PCSK6: variants seen among roughly 807,000 people sequenced by gnomAD.
The protein encoded by PCSK6 is paired basic amino acid cleaving enzyme 4.
In PCSK6, 85 loss-of-function variants were observed where a neutral mutation model predicts 123.3. That is an observed-to-expected ratio of 0.69 (90% CI 0.58 to 0.83). PCSK6 has a LOEUF of 0.83. Among genes scored for constraint, PCSK6 ranks in the 40% least tolerant of loss-of-function variants. PCSK6 has a pLI of 0.00. For missense variants in PCSK6, 1,191 were observed against 1,282.3 expected, an observed-to-expected ratio of 0.93 and a Z score of 1.09; for synonymous variants, 508 against 516.0, an observed-to-expected ratio of 0.98 and a Z score of 0.21.
At chr15:101,314,634 G>A (rs1169640311) in intron 19 of PCSK6, among the ~76,000 whole-genome samples, 1 of 152,216 alleles carries the variant, frequency 6.6e-6, no homozygotes, top group African/African-American at 2.4e-5. Context: ...TCACACCTCA[G>A]AACCACAGCC....
intron 20 of PCSK6, among the ~76,000 whole-genome samples, chr15:101,309,531 T>G (rs2039804203): frequency 6.6e-6 from 1 of 152,260 alleles, no homozygotes; most frequent in Non-Finnish European, 1.5e-5. Flanking sequence ...TGCAGCCCTC[T>G]GTCCCTGCTC....
chr15:101,310,855 C>A (rs1289715701), intron 20 of PCSK6, among the ~76,000 whole-genome samples: 1 of 152,180 alleles, frequency 6.6e-6, no homozygotes, highest in African/African-American at 2.4e-5. Context: ...CCATGGGCAC[C>A]CCTCCCCTGC....
At chr15:101,373,788 G>A (rs2955960) in intron 11 of PCSK6, among the ~76,000 whole-genome samples, 66,945 of 152,046 alleles carry the variant, frequency 0.44, 15,486 homozygotes, top group East Asian at 0.64. Context: ...CTAAGGTAAC[G>A]CTGAAAATGC....
chr15:101,392,631 A>G (rs1405408242), intron 8 of PCSK6, among the ~76,000 whole-genome samples: 1 of 134,142 alleles, frequency 7.5e-6, no homozygotes, highest in Non-Finnish European at 1.5e-5. Flanking sequence ...GTATGTAGGG[A>G]AGGAAAAAGC....
chr15:101,339,884 T>G (rs897906577), intron 13 of PCSK6, among the ~76,000 whole-genome samples: 3 of 151,068 alleles, frequency 2.0e-5, no homozygotes, highest in African/African-American at 7.3e-5. Context: ...CATTCCAGCC[T>G]GGGTGACAGA....
At chr15:101,325,095 GC>G in intron 16 of PCSK6, 49 bp from the exon 17 acceptor site, 1 of 1,399,354 alleles carries the variant, frequency 7.1e-7, no homozygotes, top group Non-Finnish European at 9.8e-7. Flanking sequence ...CCCAGCCCCA[GC>G]CCCAGGCCTG....
At chr15:101,347,395 G>T (rs1321899196) in intron 13 of PCSK6, 3 of 1,236,720 alleles carry the variant, frequency 2.4e-6, no homozygotes, top group Non-Finnish European at 3.0e-6. Context: ...AGGAAATCAA[G>T]AATTCATGGA....
At chr15:101,348,375 G>A (rs537811381) in intron 13 of PCSK6, among the ~76,000 whole-genome samples, 8 of 152,352 alleles carry the variant, frequency 5.3e-5, no homozygotes, top group South Asian at 2.1e-4. Context: ...TGACATTTGC[G>A]GAGTAAAACG....
At position 101,325,378 on chromosome 15, in the gene PCSK6, G is replaced by C. The variant is rs186312402; in HGVS notation, c.2181-332C>G. Among the ~76,000 whole-genome samples, 630 of 152,332 alleles carry C rather than the reference G, an allele frequency of 4.1e-3. 5 individuals carry two copies. The highest frequency in any genetic ancestry group is 0.014 in the African/African-American group (593 of 41,580). The stretch of plus-strand genomic sequence containing the variant: ...ACCCTCTCTCGGGCGCCCTCAGGGA[G>C]TGAGTCTTGTGGGCAGTGAGTGAGG... On this transcript the variant is annotated intron_variant, in intron 16 of 21. Coordinates refer to ENST00000611716, the MANE Select transcript of PCSK6 (RefSeq NM_002570.5).
At chr15:101,447,867 G>C (rs989917744) in intron 1 of PCSK6, among the ~76,000 whole-genome samples, 15 of 152,104 alleles carry the variant, frequency 9.9e-5, no homozygotes, top group African/African-American at 3.6e-4. Context: ...TTAGAATCAG[G>C]AGCGGTGGCT....
At chr15:101,404,399 C>A (rs533325408) in intron 6 of PCSK6, among the ~76,000 whole-genome samples, 2 of 152,266 alleles carry the variant, frequency 1.3e-5, no homozygotes, top group South Asian at 2.1e-4. Context: ...GGGTCTTTCC[C>A]AAATCTGTGG....
At chr15:101,343,700 A>T (rs1210028128) in intron 13 of PCSK6, among the ~76,000 whole-genome samples, 1 of 152,224 alleles carries the variant, frequency 6.6e-6, no homozygotes, top group African/African-American at 2.4e-5. Context: ...GTCAGAGAAT[A>T]GGGTTTATAT....
At chr15:101,326,297 G>A in intron 16 of PCSK6, 80 bp downstream of exon 16, 2 of 1,041,438 alleles carry the variant, frequency 1.9e-6, no homozygotes, top group Non-Finnish European at 2.9e-6. Flanking sequence ...CCTAACTGGG[G>A]CATCAGGACA....
Position 101,313,000 on chromosome 15 carries a change from G to A in PCSK6, c.2699+376C>T, listed in dbSNP as rs2039902251. 4.3e-6 allele frequency: 5 copies of A among 1,168,274 alleles called. No individual in the cohort carries two copies. The South Asian group carries it at 8.9e-5, about 21-fold the overall frequency. The allele number at this position is 1,168,274 out of a possible 1,614,324, so 72.4% of individuals were successfully genotyped here. ...AGCCTGGGCGACAGAGTGAGAGTGT[G>A]TCTCCAAAAAAATTTTTTTTTAACC... On this transcript the variant is annotated intron_variant, in intron 20 of 21. Transcript: ENST00000611716.
intron 1 of PCSK6, among the ~76,000 whole-genome samples, chr15:101,483,675 C>T (rs1043423576): frequency 6.6e-6 from 1 of 152,216 alleles, no homozygotes; most frequent in Non-Finnish European, 1.5e-5. Context: ...TTTTCTGAGT[C>T]ACAATGTCAA....
intron 2 of PCSK6, among the ~76,000 whole-genome samples, chr15:101,437,350 G>A (rs1170229219): frequency 1.1e-4 from 17 of 152,322 alleles, no homozygotes; most frequent in Non-Finnish European, 2.2e-4. Context: ...TAGGGGTGGG[G>A]CCGGGAAACC....
intron 1 of PCSK6, among the ~76,000 whole-genome samples, chr15:101,452,176 C>A (rs892496630): frequency 6.6e-6 from 1 of 152,202 alleles, no homozygotes; most frequent in African/African-American, 2.4e-5. Context: ...CCTAAAAATT[C>A]CTGAGAAATC....
At chr15:101,388,393 C>G (rs1449741130) in intron 9 of PCSK6, among the ~76,000 whole-genome samples, 1 of 152,232 alleles carries the variant, frequency 6.6e-6, no homozygotes, top group African/African-American at 2.4e-5. Flanking sequence ...CAGATGACTA[C>G]TGCAGAGGGC....
intron 13 of PCSK6, among the ~76,000 whole-genome samples, chr15:101,348,396 A>T (rs2040799374): frequency 6.6e-6 from 1 of 152,226 alleles, no homozygotes; most frequent in South Asian, 2.1e-4. Flanking sequence ...TCATCAAAAT[A>T]CATGCTTCGA....
Sources: allele counts gnomAD v4.1 joint callset (sites outside exome capture counted in the v4.1 genomes callset), GRCh38; gene constraint gnomAD v4.1.1; transcripts MANE v1.5; gene names NCBI Gene and HGNC (gene_info 2026-07-23, HGNC 2026-07-21).